Variants in RBM20 observed in about 807,000 individuals in gnomAD.
The protein encoded by RBM20 is RNA-binding protein 20.
A neutral mutation model predicts 110.1 loss-of-function variants in RBM20; 51 were observed. That is an observed-to-expected ratio of 0.46 (90% CI 0.37 to 0.59). The LOEUF is 0.59. Among genes scored for constraint, RBM20 ranks in the 20% least tolerant of loss-of-function variants. The pLI is 0.00. For missense variants in RBM20, 1,512 were observed against 1,574.9 expected (o/e 0.96, Z 0.68); for synonymous variants, 589 against 618.2 (o/e 0.95, Z 0.70).
At chr10:110,746,106 G>A (rs2000115) in intron 1 of RBM20, among the ~76,000 whole-genome samples, 1 of 151,960 alleles carries the variant, frequency 6.6e-6, no homozygotes. Flanking sequence ...ATTCATATGC[G>A]TGGGACCTCA....
In RBM20 at chr10:110,823,523, A is replaced by G. The variant is rs1172979484; in HGVS notation, c.3360A>G (p.Ser1120=). The G allele has an allele frequency of 3.2e-6, 5 of 1,545,600 alleles. No individual in the cohort carries two copies. In the African/African-American group the frequency reaches 4.2e-5, roughly 13 times the overall value. Residue 1120 remains serine (S), a synonymous_variant, in exon 12 of 14, where the codon TCA becomes TCG. Coordinates refer to ENST00000369519, the MANE Select transcript of RBM20 (RefSeq NM_001134363.3). ...AAATGAAATCTCTGGAGGTGAGGTCACCAGAGTACACTGAAGTGGAACTGA... is the reference window on the plus strand; with the variant it reads ...AAATGAAATCTCTGGAGGTGAGGTCGCCAGAGTACACTGAAGTGGAACTGA... ...YVEMKSLEVR[S]PEYTEVELKQ...
intron 5 of RBM20, among the ~76,000 whole-genome samples, chr10:110,789,451 ATTG>A (rs907841012): frequency 2.3e-5 from 3 of 129,594 alleles, no homozygotes; most frequent in Non-Finnish European, 5.1e-5. Context: ...TTTCCTTTTT[ATTG>A]TTATTTATTT....
chr10:110,784,701 G>A (rs1433204347), intron 4 of RBM20, 91 bp from the exon 5 acceptor site: 14 of 845,344 alleles, frequency 1.7e-5, no homozygotes, highest in Non-Finnish European at 2.8e-5. Flanking sequence ...GAAGGGGAAA[G>A]GTTCAGTTTT....
rs1255612339 is a variant in RBM20, at chr10:110,752,943, ATATTT to A, written c.192-27856_192-27852del. On this transcript the variant is annotated intron_variant, in intron 1 of 13. Coordinates refer to ENST00000369519, the MANE Select transcript of RBM20 (RefSeq NM_001134363.3). ...TACATATATATATATATATATATATATATTTTTTTTTTTTTTATGAAGTCTCCCTC... is the reference window on the plus strand; with the variant it reads ...TACATATATATATATATATATATATATTTTTTTTTTTATGAAGTCTCCCTC... 3.0e-3 allele frequency among the ~76,000 whole-genome samples: 284 copies of A among 95,026 alleles called. 1 individual carries two copies. Among genetic ancestry groups the A allele is most frequent in the African/African-American group, 0.01 (242 of 23,596 alleles). The allele number at this position is 95,026 out of a possible 152,430, so 62.3% of individuals were successfully genotyped here.
At chr10:110,661,265 C>A (rs1310122506) in intron 1 of RBM20, among the ~76,000 whole-genome samples, 1 of 152,188 alleles carries the variant, frequency 6.6e-6, no homozygotes, top group Admixed American at 6.5e-5. Context: ...AAGATTGTAG[C>A]CTCTGCTCCT....
intron 1 of RBM20, among the ~76,000 whole-genome samples, chr10:110,733,958 A>G (rs1843644200): frequency 6.6e-6 from 1 of 152,188 alleles, no homozygotes; most frequent in Admixed American, 6.5e-5. Context: ...TCTTTTTCTT[A>G]TCTTTTCATT....
Position 110,644,735 on chromosome 10 carries a change from G to A in RBM20, c.191+90G>A. 1 of 1,017,232 alleles carries A rather than the reference G, an allele frequency of 9.8e-7. No homozygotes were observed. The highest frequency in any genetic ancestry group is 1.4e-6 in the Non-Finnish European group (1 of 739,586). The allele number at this position is 1,017,232 out of a possible 1,614,324, so 63.0% of individuals were successfully genotyped here. A position where few individuals can be genotyped will look rare whatever the true frequency, so the allele number is the denominator to read the frequency against. On this transcript the variant is annotated intron_variant, in intron 1 of 13. Transcript: ENST00000369519. This position sits in a 1 kb window ranked among gnomAD's most constrained non-coding sequence, Gnocchi z 4.3. ...TGTGGCTTCATTTCCCGTCCCTGCT[G>A]AACTTCGCTCGCCCCCCTTGGGTTT...
At chr10:110,659,426 TG>T (rs762151566) in intron 1 of RBM20, among the ~76,000 whole-genome samples, 5 of 152,200 alleles carry the variant, frequency 3.3e-5, no homozygotes, top group Admixed American at 6.5e-5. Context: ...AGATGACAGG[TG>T]AACATGCCTT....
intron 7 of RBM20, among the ~76,000 whole-genome samples, chr10:110,800,539 G>A (rs889599263): frequency 4.6e-5 from 7 of 152,086 alleles, no homozygotes; most frequent in Non-Finnish European, 8.8e-5. Flanking sequence ...ATATTGTATG[G>A]TTTAAAAAGT....
At chr10:110,730,931 G>C (rs1416941641) in intron 1 of RBM20, among the ~76,000 whole-genome samples, 2 of 152,310 alleles carry the variant, frequency 1.3e-5, no homozygotes, top group East Asian at 1.9e-4. Context: ...ATCCTGCTTA[G>C]AGCGTGCACA....
At chr10:110,683,035 A>ATGATCACAATTTTTGATTGTGTCAT (rs373128966) in intron 1 of RBM20, among the ~76,000 whole-genome samples, 30 of 152,106 alleles carry the variant, frequency 2.0e-4, no homozygotes, top group Non-Finnish European at 3.8e-4. Context: ...TTGGGTTATG[A>ATGATCACAATTTTTGATTGTGTCAT]TGATCACAAT....
chr10:110,700,014 C>A (rs1862734573), intron 1 of RBM20, among the ~76,000 whole-genome samples: 1 of 152,214 alleles, frequency 6.6e-6, no homozygotes, highest in Non-Finnish European at 1.5e-5. Context: ...CCCAAGACTT[C>A]ATCAGACTAC....
At chr10:110,823,131 A>C (rs1844935732) in intron 11 of RBM20, among the ~76,000 whole-genome samples, 1 of 151,948 alleles carries the variant, frequency 6.6e-6, no homozygotes, top group Non-Finnish European at 1.5e-5. Context: ...TTTGCCCGTC[A>C]GTAATTCCTC....
intron 1 of RBM20, among the ~76,000 whole-genome samples, chr10:110,662,295 A>G (rs934007122): frequency 2.6e-5 from 4 of 152,206 alleles, no homozygotes; most frequent in African/African-American, 9.7e-5. Context: ...CTAATCTATC[A>G]TATTTTCAAA....
intron 1 of RBM20, among the ~76,000 whole-genome samples, chr10:110,727,243 A>G (rs1404913276): frequency 1.5e-5 from 2 of 133,880 alleles, no homozygotes; most frequent in African/African-American, 5.6e-5. Context: ...ACAGCATGGT[A>G]TTTCAATATG....
Position 110,644,745 on chromosome 10 carries a change from C to A in RBM20, c.191+100C>A. The A allele has an allele frequency of 1.1e-6, 1 of 935,336 alleles. No individual in the cohort carries two copies. Among genetic ancestry groups the A allele is most frequent in the Non-Finnish European group, 1.5e-6 (1 of 665,672 alleles). 57.9% of individuals were successfully genotyped at this position (935,336 alleles called of 1,614,324 possible). A position where few individuals can be genotyped will look rare whatever the true frequency, so the allele number is the denominator to read the frequency against. On this transcript the variant is annotated intron_variant, in intron 1 of 13. Transcript: ENST00000369519. This position sits in a 1 kb window ranked among gnomAD's most constrained non-coding sequence, Gnocchi z 4.3. Reference sequence around the variant, plus strand: ...TTTCCCGTCCCTGCTGAACTTCGCTCGCCCCCCTTGGGTTTGAAGTTTTCT... The same window carrying A: ...TTTCCCGTCCCTGCTGAACTTCGCTAGCCCCCCTTGGGTTTGAAGTTTTCT...
At chr10:110,786,021 A>G (rs879333926) in intron 5 of RBM20, among the ~76,000 whole-genome samples, 5 of 152,132 alleles carry the variant, frequency 3.3e-5, no homozygotes, top group Admixed American at 6.5e-5. Flanking sequence ...TCTGCAACAT[A>G]CATTTTCGTC....
chr10:110,701,442 C>T (rs1862756945), intron 1 of RBM20, among the ~76,000 whole-genome samples: 1 of 152,166 alleles, frequency 6.6e-6, no homozygotes, highest in Non-Finnish European at 1.5e-5. Context: ...CCACGGGGAA[C>T]ATGCTGTTCC....
At chr10:110,812,138 T>A in intron 8 of RBM20, 140 bp from the exon 9 acceptor site, 1 of 775,420 alleles carries the variant, frequency 1.3e-6, no homozygotes, top group Non-Finnish European at 2.0e-6. Context: ...CCACTCTGTG[T>A]GGTTCTGTAG....
Sources: gnomAD v4.1 joint callset for allele counts (sites outside exome capture counted in the v4.1 genomes callset) on GRCh38, gnomAD v4.1.1 for gene constraint, Gnocchi (gnomAD v3.1) non-coding constraint, MANE v1.5 for transcripts, NCBI Gene and HGNC (gene_info 2026-07-23, HGNC 2026-07-21) for gene names.